Variants in MEGF6 observed in about 807,000 individuals in gnomAD.
MEGF6 encodes multiple epidermal growth factor-like domains protein 6.
A neutral mutation model predicts 207.1 loss-of-function variants in MEGF6; 184 were observed. That is an observed-to-expected ratio of 0.89 (90% CI 0.79 to 1.00). The LOEUF (loss-of-function observed/expected upper bound fraction) is 1.00. Among genes scored for constraint, MEGF6 ranks in the 50% least tolerant of loss-of-function variants. The pLI is 0.00. For missense variants in MEGF6, 2,282 were observed against 2,202.9 expected (o/e 1.04, Z -0.72); for synonymous variants, 1,038 against 910.0 (o/e 1.14, Z -2.53).
In MEGF6 at chr1:3,492,717, C is replaced by T. The variant is rs374207848; in HGVS notation, c.4438G>A (p.Gly1480Arg). ...ACAGGGTCGCAGTCAGCCCCACCCC[C>T]GCAGTCACAGTGCAGGGTGCAGCTG... The part of the protein sequence containing the change: ...GPSCTLHCDC[G>R]GGADCDPVSG... Residue 1480 changes from glycine to arginine, a missense_variant, in exon 35 of 37, where the codon GGG (glycine) becomes AGG (arginine). Physicochemically the swap from Gly to Arg is moderately radical, Grantham distance 125. Coordinates refer to ENST00000356575, the MANE Select transcript of MEGF6 (RefSeq NM_001409.4). The T allele has an allele frequency of 8.8e-5, 142 of 1,612,488 alleles. No homozygotes were observed. Among genetic ancestry groups the T allele is most frequent in the Admixed American group, 4.7e-4 (28 of 59,970 alleles).
At chr1:3,497,560 G>A (rs190108460) in intron 26 of MEGF6, 199 bp from the exon 27 acceptor site, 3 of 751,026 alleles carry the variant, frequency 4.0e-6, no homozygotes, top group East Asian at 2.7e-5. Flanking sequence ...GGTGGCAGGG[G>A]CCTCCCCACC....
chr1:3,575,189 G>T (rs1161966091), intron 4 of MEGF6, among the ~76,000 whole-genome samples: 1 of 152,212 alleles, frequency 6.6e-6, no homozygotes, highest in African/African-American at 2.4e-5. Flanking sequence ...TTGGGGAAGG[G>T]GTGGGGGCAT....
rs776469152 is a variant in MEGF6, at chr1:3,602,449, C to G, written c.266+17G>C. 1 of 1,613,194 alleles carries G rather than the reference C, an allele frequency of 6.2e-7. No homozygotes were observed. Among genetic ancestry groups the G allele is most frequent in the Non-Finnish European group, 8.5e-7 (1 of 1,179,852 alleles). ...TGTGAATGGAGCCCCTCCCCCAACACGGGCCCCTGCACTTACCTCCGCTCA... is the reference window on the plus strand; with the variant it reads ...TGTGAATGGAGCCCCTCCCCCAACAGGGGCCCCTGCACTTACCTCCGCTCA... On this transcript the variant is annotated intron_variant, in intron 2 of 36. Transcript: ENST00000356575.
At chr1:3,519,336 G>A (rs376641431) in intron 5 of MEGF6, among the ~76,000 whole-genome samples, 2 of 152,250 alleles carry the variant, frequency 1.3e-5, no homozygotes, top group South Asian at 2.1e-4. Flanking sequence ...GTGCTTTAGG[G>A]AGTGGCAGGC....
chr1:3,513,652 G>A (rs927724145), intron 7 of MEGF6, among the ~76,000 whole-genome samples: 6 of 133,784 alleles, frequency 4.5e-5, no homozygotes, highest in Admixed American at 8.3e-5. Context: ...GTGCAGTGGT[G>A]TGATCATAGC....
the MEGF6 span, among the ~76,000 whole-genome samples, chr1:3,623,891 T>A: frequency 7.9e-5 from 12 of 151,960 alleles, no homozygotes; most frequent in Admixed American, 5.9e-4. Flanking sequence ...TTTCTTCCAC[T>A]CCCCCAGCTG....
chr1:3,535,632 T>C (rs1381959499), intron 4 of MEGF6, among the ~76,000 whole-genome samples: 1 of 128,302 alleles, frequency 7.8e-6, no homozygotes, highest in Non-Finnish European at 1.6e-5. Flanking sequence ...GATTAAACCC[T>C]CATTCTGCCC....
intron 3 of MEGF6, among the ~76,000 whole-genome samples, chr1:3,580,573 G>A (rs1053099021): frequency 4.6e-5 from 7 of 151,908 alleles, no homozygotes; most frequent in South Asian, 2.1e-4. Flanking sequence ...AGAGAGGGGC[G>A]CCTTGTGGCT....
At chr1:3,517,466 C>T (rs753927056) in intron 5 of MEGF6, among the ~76,000 whole-genome samples, 275 of 152,364 alleles carry the variant, frequency 1.8e-3, no homozygotes, top group Non-Finnish European at 2.0e-3. Context: ...CCAAGCTGTG[C>T]GCAGCCGGGA....
At chr1:3,603,309 G>T (rs185270726) in intron 1 of MEGF6, among the ~76,000 whole-genome samples, 7 of 151,952 alleles carry the variant, frequency 4.6e-5, no homozygotes, top group Non-Finnish European at 1.0e-4. Flanking sequence ...CCTGCGGGGG[G>T]AAGGGTCAGA....
chr1:3,567,692 G>T (rs1382059480), intron 4 of MEGF6, among the ~76,000 whole-genome samples: 1 of 152,230 alleles, frequency 6.6e-6, no homozygotes, highest in Non-Finnish European at 1.5e-5. Flanking sequence ...GCGACCCAGA[G>T]CGTCACCCTG....
At position 3,495,962 on chromosome 1, in the gene MEGF6, C is replaced by A; in HGVS notation, c.3799G>T (p.Gly1267Trp). 2 of 1,582,236 alleles carry A rather than the reference C, an allele frequency of 1.3e-6. No homozygotes were observed. The highest frequency in any genetic ancestry group is 1.3e-5 in the African/African-American group (1 of 74,632). ...NCTHVCGCGQ[G>W]AACDPVTGTC... ...CCGGTCACAGGGTCGCAGGCCGCCC[C>A]CTGCCCACACCCACACACGTGGGTG... The change falls in exon 30 of 37, where the codon GGG becomes TGG. Residue 1267 changes from glycine (G) to tryptophan (W), a missense_variant. By Grantham distance (184) the Gly-to-Trp change is radical. Transcript: ENST00000356575.
intron 26 of MEGF6, 54 bp downstream of exon 26, chr1:3,498,317 G>A (rs920247526): frequency 5.7e-5 from 89 of 1,561,226 alleles, no homozygotes; most frequent in Non-Finnish European, 7.6e-5. Context: ...TAAGGCTGAT[G>A]CCACCCCTTC....
At chr1:3,505,636 C>A in intron 15 of MEGF6, 80 bp from the exon 16 acceptor site, 1 of 1,450,874 alleles carries the variant, frequency 6.9e-7, no homozygotes. Flanking sequence ...CCTGGGTCAG[C>A]CAGGACGACA....
the MEGF6 span, among the ~76,000 whole-genome samples, chr1:3,619,506 C>T: frequency 6.6e-6 from 1 of 152,154 alleles, no homozygotes; most frequent in Non-Finnish European, 1.5e-5. Context: ...GAGAGAGGGG[C>T]CTGGTGGGAA....
In MEGF6 at chr1:3,497,376, G is replaced by T; in HGVS notation, c.3353-15C>A. 6.6e-7 allele frequency: 1 copy of T among 1,522,314 alleles called. No individual in the cohort carries two copies. Among genetic ancestry groups the T allele is most frequent in the Admixed American group, 2.5e-5 (1 of 40,756 alleles). 94.3% of individuals were successfully genotyped at this position (1,522,314 alleles called of 1,614,324 possible). On this transcript the variant is annotated splice_polypyrimidine_tract_variant and intron_variant, in intron 26 of 36. Coordinates refer to ENST00000356575, the MANE Select transcript of MEGF6 (RefSeq NM_001409.4). ...CCGCAGGCAGGCTGCAGAAAGATGA[G>T]GGCTGCGGAGGCTTCTAGGAGGGGC...
At chr1:3,545,633 G>A (rs529186460) in intron 4 of MEGF6, among the ~76,000 whole-genome samples, 1 of 152,286 alleles carries the variant, frequency 6.6e-6, no homozygotes, top group East Asian at 1.9e-4. Context: ...GCTCATCCTG[G>A]AGCCTCTGGG....
Position 3,514,622 on chromosome 1 carries a change from C to A in MEGF6, c.781G>T (p.Val261Leu), listed in dbSNP as rs1400283415. Residue 261 changes from valine to leucine, a missense_variant, in exon 7 of 37, where the codon GTG (valine) becomes TTG (leucine). Transcript: ENST00000356575. Reference protein sequence around the residue: ...RNGSCMHRCQVVRGLARCECH... With the variant: ...RNGSCMHRCQLVRGLARCECH... ...TCACAGCGGGCGAGGCCCCGGACCA[C>A]CTGGCACCTGTGCATGCAGCTGCCG... 1 of 1,580,718 alleles carries A rather than the reference C, an allele frequency of 6.3e-7. No individual in the cohort carries two copies. Among genetic ancestry groups the A allele is most frequent in the Non-Finnish European group, 8.6e-7 (1 of 1,165,662 alleles).
intron 4 of MEGF6, among the ~76,000 whole-genome samples, chr1:3,542,473 G>A (rs1022049230): frequency 5.9e-5 from 9 of 152,206 alleles, no homozygotes; most frequent in East Asian, 3.9e-4. Context: ...GGTCCTGGCC[G>A]CCCCCCACTC....
Sources: allele counts gnomAD v4.1 joint callset (sites outside exome capture counted in the v4.1 genomes callset), GRCh38; gene constraint gnomAD v4.1.1; transcripts MANE v1.5; gene names NCBI Gene and HGNC (gene_info 2026-07-23, HGNC 2026-07-21).